SLC35F1: variants seen among roughly 807,000 people sequenced by gnomAD.
SLC35F1 encodes solute carrier family 35 member F1.
SLC35F1 carries 14 observed loss-of-function variants against 48.7 expected under a neutral mutation model. The ratio of observed to expected loss-of-function variants is 0.29; its 90% CI spans 0.19 to 0.45. The LOEUF (loss-of-function observed/expected upper bound fraction) is 0.45. SLC35F1 is among the 20% of genes least tolerant of loss of function. The probability of loss-of-function intolerance (pLI) is 1.00; values close to 1 mark genes in which losing one functional copy is unlikely to be tolerated. For synonymous variants in SLC35F1, 190 were observed against 202.2 expected, an observed-to-expected ratio of 0.94 and a Z score of 0.51; for missense variants, 404 against 500.0, an observed-to-expected ratio of 0.81 and a Z score of 1.83.
intron 1 of SLC35F1, among the ~76,000 whole-genome samples, chr6:118,024,910 T>C (rs1469339089): frequency 6.6e-6 from 1 of 151,500 alleles, no homozygotes; most frequent in African/African-American, 2.4e-5. Context: ...TGATAACTTT[T>C]TAACATTTGA....
intron 2 of SLC35F1, among the ~76,000 whole-genome samples, chr6:118,181,659 G>A (rs986180189): frequency 4.0e-5 from 6 of 151,696 alleles, no homozygotes; most frequent in Non-Finnish European, 8.8e-5. Flanking sequence ...TAAGTCAGCA[G>A]CATAAATTTT....
intron 1 of SLC35F1, among the ~76,000 whole-genome samples, chr6:118,008,579 T>C (rs1182644963): frequency 6.6e-6 from 1 of 152,214 alleles, no homozygotes; most frequent in Non-Finnish European, 1.5e-5. Flanking sequence ...GGCCTGACCT[T>C]ATGGAGCCAT....
In SLC35F1 at chr6:118,297,639, A is replaced by ATATATATAT. The variant is rs1311369629; in HGVS notation, c.1002+12301_1002+12302insTATATATAT. Among the ~76,000 whole-genome samples, 188 of 120,868 alleles carry ATATATATAT rather than the reference A, an allele frequency of 1.6e-3. 2 individuals carry two copies. The highest frequency in any genetic ancestry group is 6.6e-3 in the African/African-American group (181 of 27,512). 79.3% of individuals were successfully genotyped at this position (120,868 alleles called of 152,430 possible). ...CTCAGAACTTATATATATATATATA[A>ATATATATAT]AAAATATATATATAATATATATAAT... On this transcript the variant is annotated intron_variant, in intron 7 of 7. Coordinates refer to ENST00000360388, the MANE Select transcript of SLC35F1 (RefSeq NM_001029858.4).
intron 1 of SLC35F1, among the ~76,000 whole-genome samples, chr6:118,108,818 A>T (rs1773358562): frequency 6.6e-6 from 1 of 152,072 alleles, no homozygotes; most frequent in Admixed American, 6.6e-5. Context: ...TTAGCTTCTT[A>T]TGTTACAGTG....
chr6:118,044,329 C>T lies in SLC35F1; in HGVS notation c.174-110116C>T, dbSNP rs116609466. ...CTGCAACCCTATCCCTGTCTGCCATCGCCCTTTCCTCCCACCTGGGCTTCC... is the reference window on the plus strand; with the variant it reads ...CTGCAACCCTATCCCTGTCTGCCATTGCCCTTTCCTCCCACCTGGGCTTCC... On this transcript the variant is annotated intron_variant, in intron 1 of 7. Transcript: ENST00000360388. 6.7e-3 allele frequency among the ~76,000 whole-genome samples: 1,026 copies of T among 152,328 alleles called. 16 individuals are homozygous for T. The highest frequency in any genetic ancestry group is 0.023 in the African/African-American group (943 of 41,588).
intron 2 of SLC35F1, among the ~76,000 whole-genome samples, chr6:118,169,723 A>C (rs1271423745): frequency 1.3e-5 from 2 of 152,064 alleles, no homozygotes; most frequent in Non-Finnish European, 2.9e-5. Context: ...GACCATGTAA[A>C]CCTTTCATCA....
chr6:118,279,407 A>T (rs1479719502), intron 6 of SLC35F1, among the ~76,000 whole-genome samples: 1 of 152,188 alleles, frequency 6.6e-6, no homozygotes, highest in Non-Finnish European at 1.5e-5. Flanking sequence ...GGTCCTCATT[A>T]TCTCGCCCTG....
At chr6:118,064,328 C>T (rs1772583655) in intron 1 of SLC35F1, among the ~76,000 whole-genome samples, 1 of 152,170 alleles carries the variant, frequency 6.6e-6, no homozygotes, top group South Asian at 2.1e-4. Flanking sequence ...AACTGATAGT[C>T]TTAGTTCTTT....
At chr6:118,312,299 C>G (rs1366123602) in intron 7 of SLC35F1, among the ~76,000 whole-genome samples, 1 of 152,038 alleles carries the variant, frequency 6.6e-6, no homozygotes, top group Non-Finnish European at 1.5e-5. Flanking sequence ...TTTCATTCAC[C>G]GAAGTTTAAG....
chr6:118,004,145 C>A (rs1030655287), intron 1 of SLC35F1, among the ~76,000 whole-genome samples: 1 of 152,100 alleles, frequency 6.6e-6, no homozygotes, highest in African/African-American at 2.4e-5. Context: ...CACCAGGCCA[C>A]CTTCAATTTG....
chr6:118,298,718 T>C (rs1421070444), intron 7 of SLC35F1, among the ~76,000 whole-genome samples: 1 of 152,212 alleles, frequency 6.6e-6, no homozygotes, highest in African/African-American at 2.4e-5. Context: ...ACAATGCTGA[T>C]TCATGCTGGA....
At chr6:118,300,096 G>A (rs937205233) in intron 7 of SLC35F1, among the ~76,000 whole-genome samples, 2 of 152,050 alleles carry the variant, frequency 1.3e-5, no homozygotes, top group African/African-American at 4.8e-5. Flanking sequence ...CCATATCCAT[G>A]GATTCAACCA....
chr6:118,298,228 A>T (rs1420965159), intron 7 of SLC35F1, among the ~76,000 whole-genome samples: 3 of 152,188 alleles, frequency 2.0e-5, no homozygotes, highest in Non-Finnish European at 4.4e-5. Context: ...AAATGGACTA[A>T]TACACAGCCA....
intron 1 of SLC35F1, among the ~76,000 whole-genome samples, chr6:117,971,822 G>A (rs753954257): frequency 9.2e-5 from 14 of 152,224 alleles, no homozygotes; most frequent in Non-Finnish European, 1.9e-4. Flanking sequence ...TAGAGGACAG[G>A]GGCCCTGGGC....
chr6:118,008,236 T>A (rs1055853970), intron 1 of SLC35F1, among the ~76,000 whole-genome samples: 4 of 151,272 alleles, frequency 2.6e-5, no homozygotes, highest in African/African-American at 7.3e-5. Flanking sequence ...TGTACAACTG[T>A]TATATACCAA....
intron 1 of SLC35F1, among the ~76,000 whole-genome samples, chr6:118,147,009 A>T (rs1474213839): frequency 6.6e-6 from 1 of 152,200 alleles, no homozygotes; most frequent in Non-Finnish European, 1.5e-5. Flanking sequence ...TAGAAGACAG[A>T]TAGAGGCTTG....
intron 1 of SLC35F1, among the ~76,000 whole-genome samples, chr6:118,001,297 A>T (rs947346214): frequency 6.6e-6 from 1 of 152,164 alleles, no homozygotes; most frequent in Non-Finnish European, 1.5e-5. Flanking sequence ...ATAACGCCAC[A>T]TATCTACAAC....
At chr6:118,247,494 A>C (rs542755629) in intron 3 of SLC35F1, among the ~76,000 whole-genome samples, 1 of 152,354 alleles carries the variant, frequency 6.6e-6, no homozygotes, top group East Asian at 1.9e-4. Context: ...GTCTGCAATG[A>C]ATGTGTTCCC....
intron 1 of SLC35F1, among the ~76,000 whole-genome samples, chr6:118,012,444 G>A (rs1007679712): frequency 6.6e-6 from 1 of 152,050 alleles, no homozygotes; most frequent in Non-Finnish European, 1.5e-5. Context: ...CTGCCCCCTT[G>A]TTTCTAGAGT....
Sources: allele counts gnomAD v4.1 joint callset (sites outside exome capture counted in the v4.1 genomes callset), GRCh38; gene constraint gnomAD v4.1.1; transcripts MANE v1.5; gene names NCBI Gene and HGNC (gene_info 2026-07-23, HGNC 2026-07-21).